The following FRYL variants were observed in gnomAD, a reference collection of about 807,000 sequenced individuals.
FRYL encodes FRY like transcription coactivator.
A neutral mutation model predicts 351.2 loss-of-function variants in FRYL; 150 were observed. The ratio of observed to expected loss-of-function variants is 0.43; its 90% CI spans 0.37 to 0.49. The LOEUF is 0.49. Ranked by LOEUF, FRYL falls within the 20% of genes least tolerant of loss-of-function variation. FRYL has a pLI of 0.00. For synonymous variants in FRYL, 1,153 were observed against 1,257.1 expected, an observed-to-expected ratio of 0.92 and a Z score of 1.75; for missense variants, 3,036 against 3,619.3, an observed-to-expected ratio of 0.84 and a Z score of 4.13.
intron 1 of FRYL, among the ~76,000 whole-genome samples, chr4:48,718,481 A>G (rs1227161190): frequency 1.3e-5 from 2 of 151,456 alleles, no homozygotes; most frequent in African/African-American, 4.8e-5. Context: ...GAGAACTTCT[A>G]CTCTATACGT....
intron 49 of FRYL, 56 bp downstream of exon 49, chr4:48,534,489 G>A (rs1427363746): frequency 7.5e-7 from 1 of 1,331,126 alleles, no homozygotes; most frequent in Non-Finnish European, 1.1e-6. Context: ...AATATTGTGT[G>A]ATTATAAATC....
At chr4:48,548,102 A>G (rs1731782343) in intron 40 of FRYL, among the ~76,000 whole-genome samples, 1 of 152,148 alleles carries the variant, frequency 6.6e-6, no homozygotes, top group Non-Finnish European at 1.5e-5. Flanking sequence ...AGCACATAAC[A>G]GAAAGTACAT....
At chr4:48,776,485 T>C (rs183762867) in intron 1 of FRYL, among the ~76,000 whole-genome samples, 54 of 152,308 alleles carry the variant, frequency 3.5e-4, no homozygotes, top group African/African-American at 1.2e-3. Context: ...CCAAGTACTT[T>C]AGGCAACAGT....
In FRYL at chr4:48,702,088, C is replaced by A. The variant is rs190550908; in HGVS notation, c.-204+8431G>T. Among the ~76,000 whole-genome samples the A allele has an allele frequency of 2.0e-4, 30 of 152,240 alleles. 1 individual carries two copies. In the East Asian group the frequency reaches 4.8e-3, roughly 24 times the overall value. On this transcript the variant is annotated intron_variant, in intron 2 of 63. Coordinates refer to ENST00000358350, the MANE Select transcript of FRYL (RefSeq NM_015030.2). ...CTTCTTTTATAAGAAATTTGAATGA[C>A]TGATCCACCACATGGAATGCTCCCT...
chr4:48,769,836 C>T (rs1363296810), intron 1 of FRYL, among the ~76,000 whole-genome samples: 1 of 152,132 alleles, frequency 6.6e-6, no homozygotes, highest in Non-Finnish European at 1.5e-5. Flanking sequence ...AGGTTACATA[C>T]AGTATGATTC....
chr4:48,655,160 T>C (rs1345346197), intron 3 of FRYL, among the ~76,000 whole-genome samples: 1 of 152,168 alleles, frequency 6.6e-6, no homozygotes, highest in Non-Finnish European at 1.5e-5. Context: ...TCAGTGGTAG[T>C]GGTATTTTTT....
intron 1 of FRYL, among the ~76,000 whole-genome samples, chr4:48,744,684 T>G (rs1192327490): frequency 1.3e-5 from 2 of 152,168 alleles, no homozygotes; most frequent in Non-Finnish European, 2.9e-5. Flanking sequence ...AGAACTAAAA[T>G]CTTTCATTTG....
At chr4:48,771,274 T>C (rs1297895915) in intron 1 of FRYL, among the ~76,000 whole-genome samples, 1 of 152,098 alleles carries the variant, frequency 6.6e-6, no homozygotes. Context: ...TACAGAAAAA[T>C]GCATCTATAA....
At chr4:48,611,747 C>A (rs567279829) in intron 7 of FRYL, among the ~76,000 whole-genome samples, 1 of 152,196 alleles carries the variant, frequency 6.6e-6, no homozygotes, top group East Asian at 1.9e-4. Flanking sequence ...TATATATTTA[C>A]ATGAAATAAC....
intron 1 of FRYL, among the ~76,000 whole-genome samples, chr4:48,779,056 A>G (rs190926868): frequency 1.4e-4 from 21 of 150,442 alleles, no homozygotes; most frequent in Admixed American, 1.2e-3. Flanking sequence ...TAATGCTCCC[A>G]TATCATTGCA....
At chr4:48,770,447 AT>A (rs1411733106) in intron 1 of FRYL, among the ~76,000 whole-genome samples, 2 of 150,420 alleles carry the variant, frequency 1.3e-5, no homozygotes, top group East Asian at 3.9e-4. Context: ...TTTATTTTTT[AT>A]TTTTTTGAGA....
chr4:48,544,948 T>C (rs762343602), intron 42 of FRYL, 44 bp from the exon 43 acceptor site: 10 of 1,567,106 alleles, frequency 6.4e-6, no homozygotes, highest in Non-Finnish European at 7.7e-6. Flanking sequence ...TTTTCACTTG[T>C]GATTAACAGT....
chr4:48,523,004 C>G lies in FRYL; in HGVS notation c.7418G>C (p.Ser2473Thr). ...GGTGAGGTTCAGGCTGGGGGTGCTA[C>G]TAGAGCACTGGTACTCCTGGAGGGA... ...TPSLQEYQCS[S>T]STPSLNLTNQ... is the part of the protein sequence containing the mutation. Residue 2473 changes from serine to threonine, a missense_variant, in exon 54 of 64, where the codon AGT (serine) becomes ACT (threonine). By Grantham distance (58) the Ser-to-Thr change is moderately conservative. Coordinates refer to ENST00000358350, the MANE Select transcript of FRYL (RefSeq NM_015030.2). 6.2e-7 allele frequency: 1 copy of G among 1,613,836 alleles called. No homozygotes were observed. The highest frequency in any genetic ancestry group is 8.5e-7 in the Non-Finnish European group (1 of 1,179,772).
Position 48,549,375 on chromosome 4 carries a change from G to T in FRYL, c.4784+98C>A. On this transcript the variant is annotated intron_variant, in intron 39 of 63. Coordinates refer to ENST00000358350, the MANE Select transcript of FRYL (RefSeq NM_015030.2). The surrounding 1 kb of genome is among the most constrained non-coding windows in gnomAD (Gnocchi z 4.2). The stretch of plus-strand genomic sequence containing the variant: ...TGTGTTGCAGTATCTCCATAAAGAA[G>T]ATTGCTTTCATTCTGTGTTGTCAGA... The T allele has an allele frequency of 9.4e-7, 1 of 1,067,404 alleles. No individual in the cohort carries two copies. The highest frequency in any genetic ancestry group is 1.3e-6 in the Non-Finnish European group (1 of 755,222). The allele number at this position is 1,067,404 out of a possible 1,614,324, so 66.1% of individuals were successfully genotyped here. A position where few individuals can be genotyped will look rare whatever the true frequency, so the allele number is the denominator to read the frequency against.
At chr4:48,707,174 A>G (rs1054862402) in intron 2 of FRYL, among the ~76,000 whole-genome samples, 1 of 152,190 alleles carries the variant, frequency 6.6e-6, no homozygotes, top group African/African-American at 2.4e-5. Flanking sequence ...ACAATATTGC[A>G]AATTCTTTTT....
At chr4:48,695,515 T>C (rs1766074632) in intron 2 of FRYL, among the ~76,000 whole-genome samples, 1 of 151,968 alleles carries the variant, frequency 6.6e-6, no homozygotes, top group South Asian at 2.1e-4. Flanking sequence ...TGTATGTGGG[T>C]ACAATGTATG....
At chr4:48,585,273 G>T (rs1174652880) in intron 19 of FRYL, among the ~76,000 whole-genome samples, 2 of 152,126 alleles carry the variant, frequency 1.3e-5, no homozygotes, top group Non-Finnish European at 2.9e-5. Flanking sequence ...GAGACTGTGC[G>T]AAGGGAACAA....
Position 48,601,944 on chromosome 4 carries a change from T to C in FRYL, c.1035+76A>G, listed in dbSNP as rs575895649. ...ACCAATAGTAACAAAAGTTTCATTA[T>C]GCACTGTTCAATTTATATGCATAAA... On this transcript the variant is annotated intron_variant, in intron 13 of 63. Coordinates refer to ENST00000358350, the MANE Select transcript of FRYL (RefSeq NM_015030.2). The C allele has an allele frequency of 3.6e-5, 29 of 808,910 alleles. No individual in the cohort carries two copies. The East Asian group carries it at 5.6e-4, about 16-fold the overall frequency. The allele number at this position is 808,910 out of a possible 1,614,324, so 50.1% of individuals were successfully genotyped here.
chr4:48,707,664 T>A (rs997032947), intron 2 of FRYL, among the ~76,000 whole-genome samples: 13 of 151,936 alleles, frequency 8.6e-5, no homozygotes, highest in African/African-American at 2.4e-4. Context: ...GAAAAGAAAC[T>A]GTTCCAGGTA....
Sources: gnomAD v4.1 joint callset for allele counts (sites outside exome capture counted in the v4.1 genomes callset) on GRCh38, gnomAD v4.1.1 for gene constraint, Gnocchi (gnomAD v3.1) non-coding constraint, MANE v1.5 for transcripts, NCBI Gene and HGNC (gene_info 2026-07-23, HGNC 2026-07-21) for gene names.